The following PTPN6 variants were observed in gnomAD, a reference collection of about 807,000 sequenced individuals.
PTPN6 encodes the protein protein tyrosine phosphatase non-receptor type 6, also known as tyrosine-protein phosphatase non-receptor type 6.
In PTPN6, 18 loss-of-function variants were observed where a neutral mutation model predicts 81.5. The ratio of observed to expected loss-of-function variants is 0.22; its 90% CI spans 0.15 to 0.33. The LOEUF is 0.33. Among genes scored for constraint, PTPN6 ranks in the 10% least tolerant of loss-of-function variants. PTPN6 has a pLI of 1.00. For missense variants in PTPN6, 500 were observed against 794.2 expected (o/e 0.63, Z 4.45); for synonymous variants, 301 against 310.9 (o/e 0.97, Z 0.33).
Position 6,959,896 on chromosome 12 carries a change from G to A in PTPN6, c.1362-31G>A. 5.6e-6 allele frequency: 9 copies of A among 1,610,308 alleles called. No individual in the cohort carries two copies. Among genetic ancestry groups the A allele is most frequent in the Non-Finnish European group, 6.8e-6 (8 of 1,179,360 alleles). On this transcript the variant is annotated intron_variant, in intron 11 of 15. Transcript: ENST00000318974. This position sits in a 1 kb window ranked among gnomAD's most constrained non-coding sequence, Gnocchi z 6.6. ...CCCCCTTCCCGGGGAGGGCTTGACT[G>A]GCCTCTGATGGCACCCCCGTCTTTC... is the stretch of plus-strand genomic sequence containing the variant.
chr12:6,955,794 C>T lies in PTPN6; in HGVS notation c.844+38C>T, dbSNP rs781869145. ...GCTGCCCCATTCACCCAGGATACCG[C>T]CCCTGCCCCAGCTGCCTCCCCTCAT... On this transcript the variant is annotated intron_variant, in intron 7 of 15. Transcript: ENST00000318974. The surrounding 1 kb of genome is among the most constrained non-coding windows in gnomAD (Gnocchi z 7.2). The T allele has an allele frequency of 1.9e-6, 3 of 1,577,508 alleles. No homozygotes were observed. The highest frequency in any genetic ancestry group is 2.6e-6 in the Non-Finnish European group (3 of 1,147,540).
Position 6,951,448 on chromosome 12 carries a change from T to A in PTPN6, c.-65T>A. 6.2e-7 allele frequency: 1 copy of A among 1,608,494 alleles called. No homozygotes were observed. Among genetic ancestry groups the A allele is most frequent in the Non-Finnish European group, 8.5e-7 (1 of 1,177,580 alleles). ...TCTGAGGCTTAGTCCCTGAGCTCTCTGCCTGCCCAGACTAGCTGCACCTCC... is the reference window on the plus strand; with the variant it reads ...TCTGAGGCTTAGTCCCTGAGCTCTCAGCCTGCCCAGACTAGCTGCACCTCC... On this transcript the variant is annotated 5_prime_UTR_variant, in exon 1 of 16. Coordinates refer to ENST00000318974, the MANE Select transcript of PTPN6 (RefSeq NM_002831.6). The surrounding 1 kb of genome is among the most constrained non-coding windows in gnomAD (Gnocchi z 7.2).
rs1565583178 is a variant in PTPN6 at position 6,957,012 on chromosome 12, G to A, written c.1074+444G>A. Among the ~76,000 whole-genome samples the A allele has an allele frequency of 6.6e-6, 1 of 152,176 alleles. No individual in the cohort carries two copies. The highest frequency in any genetic ancestry group is 1.5e-5 in the Non-Finnish European group (1 of 68,032). On this transcript the variant is annotated intron_variant, in intron 9 of 15. Transcript: ENST00000318974. The surrounding 1 kb of genome is among the most constrained non-coding windows in gnomAD (Gnocchi z 6.5). ...GGCTCCTGGTCACCTTTGGGATAAA[G>A]TCGCACTCTAAGGCCTGGCATTCAA...
At chr12:6,946,971 C>A (rs985703638), upstream of PTPN6, among the ~76,000 whole-genome samples, 3 of 152,200 alleles carry the variant, frequency 2.0e-5, no homozygotes, top group Admixed American at 2.0e-4. Context: ...TGTATCTGTT[C>A]TCTCCATTGC....
At position 6,955,599 on chromosome 12, in the gene PTPN6, GA is replaced by G. The variant is rs1946014851; in HGVS notation, c.748-60del. ...CCTCTGCTCCTGACCCACCCCACGTGAGCTCCCCCGATGGATGCCCTCTTTG... is the reference window on the plus strand; with the variant it reads ...CCTCTGCTCCTGACCCACCCCACGTGGCTCCCCCGATGGATGCCCTCTTTG... On this transcript the variant is annotated intron_variant, in intron 6 of 15. Coordinates refer to ENST00000318974, the MANE Select transcript of PTPN6 (RefSeq NM_002831.6). The surrounding 1 kb of genome is among the most constrained non-coding windows in gnomAD (Gnocchi z 7.2). 1.3e-5 allele frequency: 21 copies of G among 1,579,612 alleles called. No individual in the cohort carries two copies. The highest frequency in any genetic ancestry group is 1.8e-5 in the Non-Finnish European group (21 of 1,149,276).
chr12:6,951,493 C>T lies in PTPN6; in HGVS notation c.-20C>T. 6.2e-7 allele frequency: 1 copy of T among 1,613,892 alleles called. No individual in the cohort carries two copies. Among genetic ancestry groups the T allele is most frequent in the Non-Finnish European group, 8.5e-7 (1 of 1,179,880 alleles). ...ACCTCCTCATTCCCTGCGCCCCCTT[C>T]CTCTCCGGAAGCCCCCAGGATGGTG... On this transcript the variant is annotated 5_prime_UTR_variant, in exon 1 of 16. Coordinates refer to ENST00000318974, the MANE Select transcript of PTPN6 (RefSeq NM_002831.6). The surrounding 1 kb of genome is among the most constrained non-coding windows in gnomAD (Gnocchi z 7.2).
chr12:6,961,226 C>G lies in PTPN6; in HGVS notation c.*126C>G, dbSNP rs977869058. On this transcript the variant is annotated 3_prime_UTR_variant, in exon 16 of 16. Coordinates refer to ENST00000318974, the MANE Select transcript of PTPN6 (RefSeq NM_002831.6). ...TGTAATTTAAATGGCTGCATCCCCC[C>G]CACCTCTCCCTGACCCTGTATATAG... 11 of 433,830 alleles carry G rather than the reference C, an allele frequency of 2.5e-5. No homozygotes were observed. Among genetic ancestry groups the G allele is most frequent in the South Asian group, 6.2e-5 (3 of 48,026 alleles). The allele number at this position is 433,830 out of a possible 1,614,324, so 26.9% of individuals were successfully genotyped here.
rs975810648 is a variant in PTPN6 at position 6,956,759 on chromosome 12, C to T, written c.1074+191C>T. Among the ~76,000 whole-genome samples, 7 of 152,152 alleles carry T rather than the reference C, an allele frequency of 4.6e-5. No homozygotes were observed. The highest frequency in any genetic ancestry group is 8.8e-5 in the Non-Finnish European group (6 of 68,016). ...CCAGATCCCTGCATGCATCCCTGGGCTCTTCTGAGCTCCAGACCCAGGTTC... is the reference window on the plus strand; with the variant it reads ...CCAGATCCCTGCATGCATCCCTGGGTTCTTCTGAGCTCCAGACCCAGGTTC... On this transcript the variant is annotated intron_variant, in intron 9 of 15. Coordinates refer to ENST00000318974, the MANE Select transcript of PTPN6 (RefSeq NM_002831.6). This position sits in a 1 kb window ranked among gnomAD's most constrained non-coding sequence, Gnocchi z 4.1.
In PTPN6 at chr12:6,959,901, C is replaced by T. The variant is rs782516859; in HGVS notation, c.1362-26C>T. The T allele has an allele frequency of 6.2e-6, 10 of 1,610,668 alleles. No individual in the cohort carries two copies. Among genetic ancestry groups the T allele is most frequent in the Middle Eastern group, 2.3e-4 (1 of 4,438 alleles). ...TTCCCGGGGAGGGCTTGACTGGCCT[C>T]TGATGGCACCCCCGTCTTTCCCCAG... On this transcript the variant is annotated intron_variant, in intron 11 of 15. Transcript: ENST00000318974. The surrounding 1 kb of genome is among the most constrained non-coding windows in gnomAD (Gnocchi z 6.6).
chr12:6,959,542 C>A lies in PTPN6; in HGVS notation c.1362-385C>A. The A allele has an allele frequency of 2.4e-6, 1 of 410,842 alleles. No homozygotes were observed. Among genetic ancestry groups the A allele is most frequent in the East Asian group, 5.0e-5 (1 of 19,856 alleles). 25.4% of individuals were successfully genotyped at this position (410,842 alleles called of 1,614,324 possible). ...GGAAGTGAAGCCATGCTGAGAGACG[C>A]TCCATAACTCCTTCAGGGAGAGGCG... On this transcript the variant is annotated intron_variant, in intron 11 of 15. Transcript: ENST00000318974. The surrounding 1 kb of genome is among the most constrained non-coding windows in gnomAD (Gnocchi z 6.6).
chr12:6,947,063 C>T (rs782244819), upstream of PTPN6, among the ~76,000 whole-genome samples: 10 of 152,334 alleles, frequency 6.6e-5, no homozygotes, highest in East Asian at 1.2e-3. Flanking sequence ...ACACCTCAAA[C>T]ATAGCAGTCA....
rs782725118 is a variant in PTPN6, at chr12:6,955,781, AC to A, written c.844+28del. On this transcript the variant is annotated intron_variant, in intron 7 of 15. Transcript: ENST00000318974. The surrounding 1 kb of genome is among the most constrained non-coding windows in gnomAD (Gnocchi z 7.2). The stretch of plus-strand genomic sequence containing the variant: ...TGTGAGCACCCAGGCTGCCCCATTC[AC>A]CCAGGATACCGCCCCTGCCCCAGCT... 6.2e-7 allele frequency: 1 copy of A among 1,600,872 alleles called. No individual in the cohort carries two copies. The highest frequency in any genetic ancestry group is 1.1e-5 in the South Asian group (1 of 90,798).
rs186126787 is a variant in PTPN6 at position 6,954,206 on chromosome 12, G to A, written c.327-599G>A. Among the ~76,000 whole-genome samples the A allele has an allele frequency of 1.8e-4, 28 of 152,212 alleles. No homozygotes were observed. Among genetic ancestry groups the A allele is most frequent in the African/African-American group, 4.8e-4 (20 of 41,538 alleles). On this transcript the variant is annotated intron_variant, in intron 3 of 15. Transcript: ENST00000318974. This position sits in a 1 kb window ranked among gnomAD's most constrained non-coding sequence, Gnocchi z 5.4. ...TTTCCCCAGTGGGGTTGTCTTCCCC[G>A]CCTCCCTGGCGGAGCGCACCCCATC...
At position 6,955,872 on chromosome 12, in the gene PTPN6, A is replaced by G. The variant is rs1486871307; in HGVS notation, c.844+116A>G. 1.2e-6 allele frequency: 1 copy of G among 847,098 alleles called. No homozygotes were observed. Among genetic ancestry groups the G allele is most frequent in the Non-Finnish European group, 1.8e-6 (1 of 554,856 alleles). The allele number at this position is 847,098 out of a possible 1,614,324, so 52.5% of individuals were successfully genotyped here. ...GAGGGGCCATCTCCCCACACCCCCC[A>G]CAGAGCCTCCCCCTTCTCCAAAAGG... On this transcript the variant is annotated intron_variant, in intron 7 of 15. Coordinates refer to ENST00000318974, the MANE Select transcript of PTPN6 (RefSeq NM_002831.6). This position sits in a 1 kb window ranked among gnomAD's most constrained non-coding sequence, Gnocchi z 7.2.
At chr12:6,948,711 C>G (rs782653778), upstream of PTPN6, among the ~76,000 whole-genome samples, 1 of 151,784 alleles carries the variant, frequency 6.6e-6, no homozygotes, top group Admixed American at 6.6e-5. Context: ...GAGGCCGAGG[C>G]AGGTGGATCA....
At chr12:6,961,025 GGCCGCA>G in intron 15 of PTPN6, 80 bp downstream of exon 15, 1 of 1,539,116 alleles carries the variant, frequency 6.5e-7, no homozygotes, top group Non-Finnish European at 8.8e-7. Flanking sequence ...TGGATGGGGT[GGCCGCA>G]GCCTCATTCT....
rs782201753 is a variant in PTPN6 at position 6,955,115 on chromosome 12, C to G, written c.517-36C>G. 17 of 1,611,218 alleles carry G rather than the reference C, an allele frequency of 1.1e-5. No homozygotes were observed. Among genetic ancestry groups the G allele is most frequent in the South Asian group, 9.9e-5 (9 of 91,002 alleles). On this transcript the variant is annotated intron_variant, in intron 4 of 15. Transcript: ENST00000318974. The surrounding 1 kb of genome is among the most constrained non-coding windows in gnomAD (Gnocchi z 7.2). ...GGCTGGGGACCCAGGGAGGGAGACT[C>G]AAGTCCTGTGAATGGCCTAATTTGG...
At position 6,952,640 on chromosome 12, in the gene PTPN6, A is replaced by T. The variant is rs142139479; in HGVS notation, c.326+463A>T. 467 of 260,394 alleles carry T rather than the reference A, an allele frequency of 1.8e-3. 4 individuals are homozygous for T. The highest frequency in any genetic ancestry group is 9.4e-3 in the African/African-American group (426 of 45,146). The allele number at this position is 260,394 out of a possible 1,614,324, so 16.1% of individuals were successfully genotyped here. On this transcript the variant is annotated intron_variant, in intron 3 of 15. Transcript: ENST00000318974. The surrounding 1 kb of genome is among the most constrained non-coding windows in gnomAD (Gnocchi z 8.1). ...GGATGAATGCTTGCCAAGACACTTG[A>T]TGCCTTGTCCCAGCCGCCCCGTGGG... is the stretch of plus-strand genomic sequence containing the variant.
chr12:6,957,793 G>A lies in PTPN6; in HGVS notation c.1206+8G>A. On this transcript the variant is annotated splice_region_variant and intron_variant, in intron 10 of 15. Transcript: ENST00000318974. This position sits in a 1 kb window ranked among gnomAD's most constrained non-coding sequence, Gnocchi z 6.5. ...GTCTCCCCGCTGGACAATGTGAGTGGCCCCCACGCCCTGCCCCATTCCGGG... is the reference window on the plus strand; with the variant it reads ...GTCTCCCCGCTGGACAATGTGAGTGACCCCCACGCCCTGCCCCATTCCGGG... 2 of 1,614,096 alleles carry A rather than the reference G, an allele frequency of 1.2e-6. No individual in the cohort carries two copies. The highest frequency in any genetic ancestry group is 1.3e-5 in the African/African-American group (1 of 75,064).
Sources: gnomAD v4.1 joint callset for allele counts (sites outside exome capture counted in the v4.1 genomes callset) on GRCh38, gnomAD v4.1.1 for gene constraint, Gnocchi (gnomAD v3.1) non-coding constraint, MANE v1.5 for transcripts, NCBI Gene and HGNC (gene_info 2026-07-23, HGNC 2026-07-21) for gene names.